PI4KA: variants seen among roughly 807,000 people sequenced by gnomAD.
PI4KA encodes the protein phosphatidylinositol 4-kinase alpha.
In PI4KA, 122 loss-of-function variants were observed where a neutral mutation model predicts 271.4. The observed-to-expected ratio is 0.45, with a 90% CI of 0.39 to 0.52. The LOEUF (loss-of-function observed/expected upper bound fraction) is 0.52. PI4KA is among the 20% of genes least tolerant of loss of function. The probability of loss-of-function intolerance (pLI) is 0.00; values close to 1 mark genes in which losing one functional copy is unlikely to be tolerated. For synonymous variants in PI4KA, 1,041 were observed against 1,078.8 expected (o/e 0.96, Z 0.69); for missense variants, 1,969 against 2,769.1 (o/e 0.71, Z 6.48).
intron 19 of PI4KA, among the ~76,000 whole-genome samples, chr22:20,771,379 C>T (rs1206113819): frequency 7.3e-5 from 11 of 149,916 alleles, no homozygotes; most frequent in African/African-American, 2.2e-4. Flanking sequence ...GCTGAGATTG[C>T]GCCACTGCAC....
chr22:20,810,053 T>C (rs1355203931), intron 9 of PI4KA, among the ~76,000 whole-genome samples: 1 of 152,164 alleles, frequency 6.6e-6, no homozygotes, highest in Non-Finnish European at 1.5e-5. Flanking sequence ...GTCAGGGACA[T>C]ACCCATGGTA....
At chr22:20,758,816 T>C (rs1931626657) in intron 23 of PI4KA, among the ~76,000 whole-genome samples, 3 of 152,064 alleles carry the variant, frequency 2.0e-5, no homozygotes, top group Non-Finnish European at 4.4e-5. Flanking sequence ...GCACCTCCCA[T>C]CCCTGGCCTC....
Position 20,813,390 on chromosome 22 carries a change from G to C in PI4KA, c.973C>G (p.Pro325Ala). The C allele has an allele frequency of 6.2e-7, 1 of 1,613,624 alleles. No individual in the cohort carries two copies. Residue 325 changes from proline to alanine, a missense_variant, in exon 8 of 55, where the codon CCA becomes GCA. Around this residue, in one of 13 missense-constraint regions of PI4KA, gnomAD observed 540 missense variants for 555.5 expected, o/e 0.97. Transcript: ENST00000255882. ...AAGAGTTCCCGAAGCATTTCCAATG[G>C]AATGTTAAACTCCTTATATGTGACA... ...NGVTYKEFNIPLEMLRELLNL... is the reference protein window; with the variant it reads ...NGVTYKEFNIALEMLRELLNL...
intron 7 of PI4KA, among the ~76,000 whole-genome samples, chr22:20,818,197 T>C (rs992403479): frequency 3.3e-5 from 5 of 152,180 alleles, no homozygotes; most frequent in African/African-American, 1.2e-4. Flanking sequence ...AGTGCAAAAA[T>C]TCTGATGGCA....
chr22:20,755,760 C>A (rs1241096722), intron 23 of PI4KA, among the ~76,000 whole-genome samples: 1 of 151,260 alleles, frequency 6.6e-6, no homozygotes. Flanking sequence ...TGAGATTGTG[C>A]CACTGCACTC....
At chr22:20,793,453 T>G in intron 18 of PI4KA, 4 of 478,314 alleles carry the variant, frequency 8.4e-6, no homozygotes, top group Non-Finnish European at 1.1e-5. Context: ...TAAACCATGG[T>G]TACATAAATG....
At chr22:20,799,030 A>G (rs1935141680) in intron 16 of PI4KA, 63 bp downstream of exon 16, 1 of 1,348,048 alleles carries the variant, frequency 7.4e-7, no homozygotes, top group African/African-American at 1.5e-5. Flanking sequence ...TACATCCCTT[A>G]TAGTCAAGAG....
At chr22:20,751,024 C>T (rs1285115238) in intron 27 of PI4KA, among the ~76,000 whole-genome samples, 2 of 152,176 alleles carry the variant, frequency 1.3e-5, no homozygotes, top group Non-Finnish European at 2.9e-5. Flanking sequence ...ACCTCTTTGG[C>T]AGCTAAACCG....
chr22:20,851,100 C>T (rs1437352142), intron 1 of PI4KA, among the ~76,000 whole-genome samples: 2 of 152,084 alleles, frequency 1.3e-5, no homozygotes. Context: ...TGGCTCATGC[C>T]TATAATCCCA....
chr22:20,722,785 A>C (rs1926894796), intron 42 of PI4KA, among the ~76,000 whole-genome samples: 1 of 152,118 alleles, frequency 6.6e-6, no homozygotes, highest in South Asian at 2.1e-4. Context: ...GACCTGGGTG[A>C]GTCGGGGGTG....
At chr22:20,811,607 C>CA (rs1185062165) in intron 8 of PI4KA, among the ~76,000 whole-genome samples, 1,514 of 112,380 alleles carry the variant, frequency 0.013, 32 homozygotes, top group East Asian at 0.061. Context: ...TGCAGAACCA[C>CA]AAAAAAAAAA....
intron 1 of PI4KA, among the ~76,000 whole-genome samples, chr22:20,846,448 G>C (rs918039616): frequency 2.0e-5 from 3 of 151,806 alleles, no homozygotes; most frequent in African/African-American, 7.3e-5. Flanking sequence ...AATACTGCAC[G>C]TTCTCAATTA....
chr22:20,817,112 C>G (rs1390276533), intron 7 of PI4KA, among the ~76,000 whole-genome samples: 2 of 152,104 alleles, frequency 1.3e-5, no homozygotes, highest in Non-Finnish European at 2.9e-5. Context: ...TAGAATGTAA[C>G]CTGTTACATT....
Position 20,721,484 on chromosome 22 carries a change from G to C in PI4KA, c.4996-66C>G, listed in dbSNP as rs1050362533. ...CTCCATGAGGAGGGCCTTGTCAGCA[G>C]CTGCTGACTCCCGGCATTTGGTAGA... On this transcript the variant is annotated intron_variant, in intron 42 of 54. Coordinates refer to ENST00000255882, the MANE Select transcript of PI4KA (RefSeq NM_058004.4). 1.4e-4 allele frequency: 221 copies of C among 1,570,108 alleles called. 1 individual carries two copies. In the East Asian group the frequency reaches 4.9e-3, roughly 35 times the overall value.
intron 1 of PI4KA, among the ~76,000 whole-genome samples, chr22:20,852,465 A>G (rs1927105571): frequency 6.6e-6 from 1 of 152,206 alleles, no homozygotes. Context: ...AGGAGGAAAT[A>G]TATCTGTGTT....
At chr22:20,743,623 C>A (rs1929718456) in intron 30 of PI4KA, among the ~76,000 whole-genome samples, 1 of 152,086 alleles carries the variant, frequency 6.6e-6, no homozygotes, top group African/African-American at 2.4e-5. Context: ...GCTTGGCCAA[C>A]CTATCTATTT....
At chr22:20,735,400 C>T (rs1160802932) in intron 32 of PI4KA, among the ~76,000 whole-genome samples, 2 of 144,410 alleles carry the variant, frequency 1.4e-5, no homozygotes, top group Admixed American at 7.0e-5. Context: ...ACACACACCG[C>T]GGCTCCCTCC....
chr22:20,819,750 C>T lies in PI4KA; in HGVS notation c.680G>A (p.Arg227Gln), dbSNP rs757435122. Residue 227 changes from arginine (R) to glutamine (Q), a missense_variant, in exon 6 of 55, where the codon CGA (arginine) becomes CAA (glutamine). Arg to Gln is a conservative substitution (Grantham distance 43, BLOSUM62 1). Coordinates refer to ENST00000255882, the MANE Select transcript of PI4KA (RefSeq NM_058004.4). ...LRVLEELEGV[R>Q]RRSFNDFRSI... The stretch of plus-strand genomic sequence containing the variant: ...GCGGAAGTCATTAAAGGAACGCCTT[C>T]GAACACCTTCAAGCTCTTCCAGGAC... 4.3e-6 allele frequency: 7 copies of T among 1,614,070 alleles called. No individual in the cohort carries two copies. Among genetic ancestry groups the T allele is most frequent in the South Asian group, 1.1e-5 (1 of 91,074 alleles).
At position 20,805,143 on chromosome 22, in the gene PI4KA, C is replaced by T; in HGVS notation, c.1191G>A (p.Lys397=). The T allele has an allele frequency of 6.2e-7, 1 of 1,613,920 alleles. No homozygotes were observed. The highest frequency in any genetic ancestry group is 8.5e-7 in the Non-Finnish European group (1 of 1,179,876). ...GCTCCAGCACAAAATCATGGATCTC[C>T]TTCACAAAAGAGGTCGGGAGGTCTG... ...YMKDLPTSFV[K]EIHDFVLEQF... Residue 397 remains lysine, a synonymous_variant, in exon 11 of 55, where the codon AAG becomes AAA. Coordinates refer to ENST00000255882, the MANE Select transcript of PI4KA (RefSeq NM_058004.4).
Sources: gnomAD v4.1 joint callset for allele counts (sites outside exome capture counted in the v4.1 genomes callset) on GRCh38, gnomAD v4.1.1 for gene constraint, gnomAD v4.1.1 regional missense constraint, MANE v1.5 for transcripts, NCBI Gene and HGNC (gene_info 2026-07-23, HGNC 2026-07-21) for gene names.